The following STRN3 variants were observed in gnomAD, a reference collection of about 807,000 sequenced individuals.
STRN3 encodes striatin 3, also known as striatin-3.
STRN3 carries 29 observed loss-of-function variants against 95.6 expected under a neutral mutation model. The observed-to-expected ratio is 0.30, with a 90% CI of 0.23 to 0.41. The LOEUF is 0.41. STRN3 is among the 10% of genes least tolerant of loss of function. The pLI is 1.00. For synonymous variants in STRN3, 331 were observed against 357.6 expected (o/e 0.93, Z 0.84); for missense variants, 890 against 972.1 (o/e 0.92, Z 1.12).
At chr14:31,013,305 A>G (rs1429109107) in intron 1 of STRN3, among the ~76,000 whole-genome samples, 2 of 151,902 alleles carry the variant, frequency 1.3e-5, no homozygotes, top group Non-Finnish European at 2.9e-5. Context: ...CCCAGGAGAT[A>G]GAGGTCGCAG....
At chr14:30,989,685 C>T (rs142373635) in intron 1 of STRN3, among the ~76,000 whole-genome samples, 3 of 152,204 alleles carry the variant, frequency 2.0e-5, no homozygotes, top group African/African-American at 7.2e-5. Context: ...GTCTCTATCT[C>T]CTGACCTCGT....
At chr14:31,025,847 C>G (rs1381709091) in intron 1 of STRN3, 57 bp downstream of exon 1, 2 of 1,555,608 alleles carry the variant, frequency 1.3e-6, no homozygotes, top group South Asian at 2.3e-5. Context: ...CCCAGCCCCA[C>G]CCCCCGGCCG....
At chr14:30,981,782 G>C (rs1018565225) in intron 1 of STRN3, among the ~76,000 whole-genome samples, 1 of 152,098 alleles carries the variant, frequency 6.6e-6, no homozygotes, top group East Asian at 1.9e-4. Context: ...TGAAAATAAC[G>C]TTTTCCAATT....
chr14:31,016,879 G>C (rs1167678094), intron 1 of STRN3, among the ~76,000 whole-genome samples: 1 of 152,196 alleles, frequency 6.6e-6, no homozygotes, highest in Non-Finnish European at 1.5e-5. Context: ...AACTAGCCAG[G>C]TGCAGTAGCT....
At chr14:31,006,211 A>C (rs1882706531) in intron 1 of STRN3, among the ~76,000 whole-genome samples, 1 of 151,804 alleles carries the variant, frequency 6.6e-6, no homozygotes, top group South Asian at 2.1e-4. Context: ...AACAACAAAA[A>C]CTCTACTATG....
chr14:31,010,140 G>A (rs577505719), intron 1 of STRN3, among the ~76,000 whole-genome samples: 1 of 151,888 alleles, frequency 6.6e-6, no homozygotes, highest in Non-Finnish European at 1.5e-5. Context: ...AACAAAAGAA[G>A]AAATCAGTAA....
intron 1 of STRN3, among the ~76,000 whole-genome samples, chr14:30,968,622 C>T (rs1312377008): frequency 1.1e-4 from 17 of 148,126 alleles, no homozygotes; most frequent in Non-Finnish European, 2.2e-4. Context: ...AGAGTTGCAG[C>T]GAGCCAAGAA....
chr14:31,014,690 T>C (rs1274634299), intron 1 of STRN3: 1 of 457,832 alleles, frequency 2.2e-6, no homozygotes, highest in Non-Finnish European at 4.5e-6. Context: ...ATACCTTGTG[T>C]TTACCTTGGT....
chr14:31,020,001 G>A (rs1328824976), intron 1 of STRN3, among the ~76,000 whole-genome samples: 1 of 151,250 alleles, frequency 6.6e-6, no homozygotes, highest in Middle Eastern at 3.2e-3. Flanking sequence ...GGGATTACAA[G>A]CGTGAGACAC....
At chr14:30,900,861 A>C (rs541644817) in intron 16 of STRN3, among the ~76,000 whole-genome samples, 5 of 152,238 alleles carry the variant, frequency 3.3e-5, no homozygotes, top group Admixed American at 3.3e-4. Context: ...TGAAATTTGG[A>C]AACAATTTGA....
At chr14:30,929,967 A>AAAAAAAAAACAAAAAC (rs1555317339) in intron 7 of STRN3, among the ~76,000 whole-genome samples, 179 of 91,160 alleles carry the variant, frequency 2.0e-3, no homozygotes, top group Non-Finnish European at 2.9e-3. Flanking sequence ...AAAAAAAAAA[A>AAAAAAAAAACAAAAAC]AAAAAAAAAA....
chr14:30,929,181 T>C lies in STRN3; in HGVS notation c.1099+20A>G, dbSNP rs770490501. 15 of 1,561,364 alleles carry C rather than the reference T, an allele frequency of 9.6e-6. No individual in the cohort carries two copies. In the Admixed American group the frequency reaches 1.9e-4, roughly 20 times the overall value. ...AATTATTGGTATACAAAAATTATAA[T>C]AGTCAGAATCTGCACTTACTCTTCA... On this transcript the variant is annotated intron_variant, in intron 8 of 17. Transcript: ENST00000357479.
chr14:30,894,960 A>G lies in STRN3; in HGVS notation c.*451T>C. 9.4e-7 allele frequency: 1 copy of G among 1,067,842 alleles called. No individual in the cohort carries two copies. Among genetic ancestry groups the G allele is most frequent in the Non-Finnish European group, 1.2e-6 (1 of 849,106 alleles). 66.1% of individuals were successfully genotyped at this position (1,067,842 alleles called of 1,614,324 possible). A position where few individuals can be genotyped will look rare whatever the true frequency, so the allele number is the denominator to read the frequency against. ...CTGTGGCATTCAACCGATAAACAGA[A>G]GATCACTAAGAGATGAAAAAAAGCT... On this transcript the variant is annotated 3_prime_UTR_variant, in exon 18 of 18. Transcript: ENST00000357479.
At chr14:30,910,289 A>G (rs1896573586) in intron 13 of STRN3, among the ~76,000 whole-genome samples, 1 of 152,164 alleles carries the variant, frequency 6.6e-6, no homozygotes, top group Non-Finnish European at 1.5e-5. Context: ...CATTTATCAC[A>G]ATTTGTAACC....
rs184595906 is a variant in STRN3 at position 31,001,409 on chromosome 14, G to A, written c.282+24495C>T. ...AATTTTGCCGGGCATGGTGATGTGCGCCTGCAGTTACAGCTACTCGGGAGG... is the reference window on the plus strand; with the variant it reads ...AATTTTGCCGGGCATGGTGATGTGCACCTGCAGTTACAGCTACTCGGGAGG... On this transcript the variant is annotated intron_variant, in intron 1 of 17. Coordinates refer to ENST00000357479, the MANE Select transcript of STRN3 (RefSeq NM_001083893.2). 1.1e-4 allele frequency among the ~76,000 whole-genome samples: 16 copies of A among 152,002 alleles called. 1 individual carries two copies. The highest frequency in any genetic ancestry group is 5.9e-4 in the Admixed American group (9 of 15,238).
intron 5 of STRN3, among the ~76,000 whole-genome samples, chr14:30,941,465 T>C (rs753382646): frequency 5.3e-5 from 8 of 152,222 alleles, no homozygotes; most frequent in Non-Finnish European, 1.5e-5. Flanking sequence ...ACAACCCTGC[T>C]GTTTTCATTT....
intron 5 of STRN3, among the ~76,000 whole-genome samples, chr14:30,939,843 C>T (rs1031638792): frequency 2.6e-5 from 4 of 152,072 alleles, no homozygotes; most frequent in Admixed American, 2.6e-4. Flanking sequence ...AGTTCCCTTA[C>T]AGTCTCCATC....
At chr14:30,975,835 T>TA (rs1881074775) in intron 1 of STRN3, among the ~76,000 whole-genome samples, 1 of 54,542 alleles carries the variant, frequency 1.8e-5, no homozygotes, top group Non-Finnish European at 4.1e-5. Context: ...CCCTGGCTCT[T>TA]TAAAAAAAAA....
intron 5 of STRN3, among the ~76,000 whole-genome samples, chr14:30,937,516 CTAAA>C (rs2139079926): frequency 6.6e-6 from 1 of 152,224 alleles, no homozygotes; most frequent in East Asian, 1.9e-4. Flanking sequence ...ATCCACTTAA[CTAAA>C]TCTTTTAACT....
Sources: allele counts gnomAD v4.1 joint callset (sites outside exome capture counted in the v4.1 genomes callset), GRCh38; gene constraint gnomAD v4.1.1; transcripts MANE v1.5; gene names NCBI Gene and HGNC (gene_info 2026-07-23, HGNC 2026-07-21).